PCNX2: variants seen among roughly 807,000 people sequenced by gnomAD.
The protein encoded by PCNX2 is pecanex-like protein 2.
In PCNX2, 168 loss-of-function variants were observed where a neutral mutation model predicts 223.8. The ratio of observed to expected loss-of-function variants is 0.75; its 90% CI spans 0.66 to 0.85. The LOEUF is 0.85. Ranked by LOEUF, PCNX2 falls within the 40% of genes least tolerant of loss-of-function variation. The pLI is 0.00. For missense variants in PCNX2, 2,507 were observed against 2,675.5 expected (o/e 0.94, Z 1.39); for synonymous variants, 1,006 against 1,052.6 (o/e 0.96, Z 0.86).
At chr1:233,197,719 G>A (rs1363749927) in intron 15 of PCNX2, among the ~76,000 whole-genome samples, 1 of 152,106 alleles carries the variant, frequency 6.6e-6, no homozygotes, top group Non-Finnish European at 1.5e-5. Context: ...AATATTGAGA[G>A]AGAAAAATGT....
intron 10 of PCNX2, among the ~76,000 whole-genome samples, chr1:233,221,975 T>C (rs530443511): frequency 6.6e-6 from 1 of 152,268 alleles, no homozygotes; most frequent in South Asian, 2.1e-4. Context: ...ACAAAAGAGA[T>C]GGGAGCTTCC....
At chr1:233,099,845 C>G (rs1674382496) in intron 21 of PCNX2, among the ~76,000 whole-genome samples, 2 of 152,132 alleles carry the variant, frequency 1.3e-5, no homozygotes, top group Admixed American at 6.5e-5. Context: ...ACACCAACAC[C>G]TTTCCAGTAA....
At chr1:233,298,449 T>C (rs1010816768), upstream of PCNX2, among the ~76,000 whole-genome samples, 1 of 152,118 alleles carries the variant, frequency 6.6e-6, no homozygotes, top group Non-Finnish European at 1.5e-5. Flanking sequence ...TTACAAAAGA[T>C]TGAATGTGTA....
At chr1:233,289,661 T>A (rs911576752) in intron 1 of PCNX2, among the ~76,000 whole-genome samples, 3 of 152,098 alleles carry the variant, frequency 2.0e-5, no homozygotes, top group Non-Finnish European at 4.4e-5. Context: ...CCCCCAGAAG[T>A]GGAAGGACCA....
chr1:233,258,014 A>C lies in PCNX2; in HGVS notation c.1834+14T>G, dbSNP rs756587703. 2.5e-6 allele frequency: 4 copies of C among 1,605,478 alleles called. No individual in the cohort carries two copies. In the Admixed American group the frequency reaches 6.7e-5, roughly 27 times the overall value. On this transcript the variant is annotated intron_variant, in intron 5 of 33. Coordinates refer to ENST00000258229, the MANE Select transcript of PCNX2 (RefSeq NM_014801.4). Reference sequence around the variant, plus strand: ...CTATGTCATCATCAGAACGGAAATGACATGGAATCGCACCTCGGAGAAGCC... The same window carrying C: ...CTATGTCATCATCAGAACGGAAATGCCATGGAATCGCACCTCGGAGAAGCC...
In PCNX2 at chr1:233,258,863, T is replaced by C; in HGVS notation, c.999A>G (p.Val333=). 1 of 1,613,968 alleles carries C rather than the reference T, an allele frequency of 6.2e-7. No individual in the cohort carries two copies. The highest frequency in any genetic ancestry group is 8.5e-7 in the Non-Finnish European group (1 of 1,179,880). The change falls in exon 5 of 34, where the codon GTA becomes GTG. Residue 333 remains valine (V), a synonymous_variant. Transcript: ENST00000258229. ...GCAGGTCCCCCTGGCAGGAGGTATC[T>C]ACCTGACAGGATGTGTCTGCTGGCT... is the stretch of plus-strand genomic sequence containing the variant. ...VEEPADTSCQ[V]DTSCQGDLPL...
At chr1:233,174,018 T>C (rs1679318178) in intron 17 of PCNX2, among the ~76,000 whole-genome samples, 1 of 130,886 alleles carries the variant, frequency 7.6e-6, no homozygotes. Context: ...CTTTACTATT[T>C]TGCTTTTCAT....
intron 21 of PCNX2, among the ~76,000 whole-genome samples, chr1:233,099,773 C>A (rs1254200889): frequency 6.6e-6 from 1 of 152,156 alleles, no homozygotes; most frequent in African/African-American, 2.4e-5. Context: ...ACCTCCTGCA[C>A]CACACTGGCC....
At chr1:232,986,568 G>C (rs778136520) in intron 32 of PCNX2, 28 bp from the exon 33 acceptor site, 1 of 1,476,082 alleles carries the variant, frequency 6.8e-7, no homozygotes, top group Admixed American at 2.4e-5. Context: ...ACACAGAGTT[G>C]TAGCGGGTGG....
intron 23 of PCNX2, among the ~76,000 whole-genome samples, chr1:233,083,998 G>T (rs1673480461): frequency 6.6e-6 from 1 of 152,162 alleles, no homozygotes; most frequent in African/African-American, 2.4e-5. Context: ...AAAGGAAAAT[G>T]AAATGGGGTC....
chr1:233,180,566 A>C (rs575575074), intron 15 of PCNX2, among the ~76,000 whole-genome samples: 1 of 152,338 alleles, frequency 6.6e-6, no homozygotes, highest in African/African-American at 2.4e-5. Flanking sequence ...TGAAATCTAC[A>C]AATGAATGAG....
rs181354537 is a variant in PCNX2, at chr1:233,032,617, T to C, written c.4352-7218A>G. On this transcript the variant is annotated intron_variant, in intron 25 of 33. Coordinates refer to ENST00000258229, the MANE Select transcript of PCNX2 (RefSeq NM_014801.4). ...TCCCTTTTCATTAAACTGGGAGGGC[T>C]GATTGCATGAGTATGTGTGTGAGTC... Among the ~76,000 whole-genome samples the C allele has an allele frequency of 5.9e-5, 9 of 151,894 alleles. No individual in the cohort carries two copies. In the East Asian group the frequency reaches 1.7e-3, roughly 30 times the overall value.
At chr1:233,042,075 C>G (rs1467414515) in intron 25 of PCNX2, among the ~76,000 whole-genome samples, 1 of 152,180 alleles carries the variant, frequency 6.6e-6, no homozygotes, top group African/African-American at 2.4e-5. Context: ...TATGTATAGG[C>G]AAATATTCCA....
chr1:233,213,816 CTTTTTTTTTTTTT>C (rs71173256), intron 12 of PCNX2, among the ~76,000 whole-genome samples: 43 of 65,270 alleles, frequency 6.6e-4, no homozygotes, highest in African/African-American at 2.3e-3. Flanking sequence ...CCAGTGCACT[CTTTTTTTTTTTTT>C]TTTTTTTTTT....
At chr1:233,206,883 T>C (rs1012628371) in intron 13 of PCNX2, among the ~76,000 whole-genome samples, 2 of 151,890 alleles carry the variant, frequency 1.3e-5, no homozygotes, top group Admixed American at 6.6e-5. Flanking sequence ...TGGTGGCACA[T>C]GCCTGTAATC....
At chr1:233,270,214 G>T (rs1660573704) in intron 1 of PCNX2, among the ~76,000 whole-genome samples, 1 of 152,144 alleles carries the variant, frequency 6.6e-6, no homozygotes, top group African/African-American at 2.4e-5. Flanking sequence ...TGACAGAGAA[G>T]TGCTATCATT....
intron 1 of PCNX2, among the ~76,000 whole-genome samples, chr1:233,281,247 T>C (rs1661179811): frequency 1.3e-5 from 2 of 152,362 alleles, no homozygotes; most frequent in Non-Finnish European, 2.9e-5. Flanking sequence ...AAGTATCTAA[T>C]TGTAGTCTTG....
rs142292940 is a variant in PCNX2 at position 233,084,411 on chromosome 1, T to C, written c.4076+5650A>G. Among the ~76,000 whole-genome samples the C allele has an allele frequency of 3.3e-5, 5 of 152,358 alleles. No individual in the cohort carries two copies. In the East Asian group the frequency reaches 9.6e-4, roughly 29 times the overall value. On this transcript the variant is annotated intron_variant, in intron 23 of 33. Transcript: ENST00000258229. ...GTACACTCGCATAGATGATGCTTAATACACATTTGCCATAAAGGATAGCAC... is the reference window on the plus strand; with the variant it reads ...GTACACTCGCATAGATGATGCTTAACACACATTTGCCATAAAGGATAGCAC...
At chr1:233,090,497 T>C (rs1032023508) in intron 22 of PCNX2, among the ~76,000 whole-genome samples, 3 of 152,226 alleles carry the variant, frequency 2.0e-5, no homozygotes, top group African/African-American at 7.2e-5. Flanking sequence ...ACTAAGATTA[T>C]TAGCTGAACA....
Sources: gnomAD v4.1 joint callset for allele counts (sites outside exome capture counted in the v4.1 genomes callset) on GRCh38, gnomAD v4.1.1 for gene constraint, MANE v1.5 for transcripts, NCBI Gene and HGNC (gene_info 2026-07-23, HGNC 2026-07-21) for gene names.